Variants in CALU observed in about 807,000 individuals in gnomAD.
The protein encoded by CALU is calumenin, also known as IEF SSP 9302.
CALU carries 13 observed loss-of-function variants against 37.5 expected under a neutral mutation model. The observed-to-expected ratio is 0.35, with a 90% confidence interval of 0.23 to 0.55. The LOEUF (loss-of-function observed/expected upper bound fraction) is 0.55. Among genes scored for constraint, CALU ranks in the 20% least tolerant of loss-of-function variants. CALU has a pLI of 0.89. For synonymous variants in CALU, 114 were observed against 133.8 expected (o/e 0.85, Z 1.02); for missense variants, 282 against 391.7 (o/e 0.72, Z 2.36).
intron 1 of CALU, among the ~76,000 whole-genome samples, chr7:128,741,084 G>A (rs574234458): frequency 8.2e-4 from 125 of 152,326 alleles, no homozygotes; most frequent in African/African-American, 2.9e-3. Context: ...CAGGGATATT[G>A]AAAGGACAGA....
chr7:128,749,823 G>A (rs1800590149), intron 2 of CALU, among the ~76,000 whole-genome samples: 2 of 152,128 alleles, frequency 1.3e-5, no homozygotes, highest in South Asian at 4.1e-4. Flanking sequence ...GCATTTGAAA[G>A]TAGATAGATA....
In CALU at chr7:128,772,669, A is replaced by T. The variant is rs768216743; in HGVS notation, c.*3502A>T. 2 of 1,613,966 alleles carry T rather than the reference A, an allele frequency of 1.2e-6. No homozygotes were observed. Among genetic ancestry groups the T allele is most frequent in the African/African-American group, 1.3e-5 (1 of 74,916 alleles). On this transcript the variant is annotated 3_prime_UTR_variant, in exon 7 of 7. Transcript: ENST00000249364. The stretch of plus-strand genomic sequence containing the variant: ...TGATGCAAGCTTGGAACTGGAGAGA[A>T]AGGTACAATTGGAGATAACCTTGGC...
In CALU at chr7:128,769,477, A is replaced by G. The variant is rs924771989; in HGVS notation, c.*310A>G. 1.1e-4 allele frequency: 21 copies of G among 183,168 alleles called. No homozygotes were observed. Among genetic ancestry groups the G allele is most frequent in the Middle Eastern group, 2.4e-3 (1 of 420 alleles). 11.3% of individuals were successfully genotyped at this position (183,168 alleles called of 1,614,324 possible). On this transcript the variant is annotated 3_prime_UTR_variant, in exon 7 of 7. Transcript: ENST00000249364. Reference sequence around the variant, plus strand: ...ATGATATGAAGGATCAAGATCCTCAACTCACACATGTAGACAAACATTAGC... The same window carrying G: ...ATGATATGAAGGATCAAGATCCTCAGCTCACACATGTAGACAAACATTAGC...
At chr7:128,756,165 AT>A (rs1252141171) in intron 3 of CALU, among the ~76,000 whole-genome samples, 1 of 152,198 alleles carries the variant, frequency 6.6e-6, no homozygotes, top group East Asian at 1.9e-4. Flanking sequence ...CACCTTCCTG[AT>A]TTATTTGGAA....
At chr7:128,766,317 G>GT (rs35257415) in intron 5 of CALU, among the ~76,000 whole-genome samples, 173 of 142,222 alleles carry the variant, frequency 1.2e-3, no homozygotes, top group South Asian at 3.1e-3. Flanking sequence ...ATTTTTCAAG[G>GT]TTTTTTTTTT....
rs749080767 is a variant in CALU, at chr7:128,759,808, T to C, written c.599T>C (p.Ile200Thr). 7 of 1,371,956 alleles carry C rather than the reference T, an allele frequency of 5.1e-6. No homozygotes were observed. The highest frequency in any genetic ancestry group is 3.4e-5 in the Admixed American group (2 of 59,608). The allele number at this position is 1,371,956 out of a possible 1,614,324, so 85.0% of individuals were successfully genotyped here. Reference sequence around the variant, plus strand: ...CCTGTTTAGGAAACAATGGAAGATATAGATAAGAATGCTGATGGTTTCATT... The same window carrying C: ...CCTGTTTAGGAAACAATGGAAGATACAGATAAGAATGCTGATGGTTTCATT... ...DIVVQETMED[I>T]DKNADGFIDL... Residue 200 changes from isoleucine to threonine, a missense_variant, in exon 5 of 7, where the codon ATA becomes ACA. Coordinates refer to ENST00000249364, the MANE Select transcript of CALU (RefSeq NM_001219.5).
At chr7:128,766,457 CTT>C (rs1276611234) in intron 5 of CALU, among the ~76,000 whole-genome samples, 6 of 108,014 alleles carry the variant, frequency 5.6e-5, no homozygotes, top group African/African-American at 2.3e-4. Flanking sequence ...GAGACGGAGT[CTT>C]GCTCTGTCGC....
intron 2 of CALU, 133 bp from the exon 3 acceptor site, chr7:128,754,129 A>T: frequency 1.8e-5 from 12 of 653,422 alleles, no homozygotes; most frequent in Admixed American, 3.0e-5. Flanking sequence ...CATTTTTTTC[A>T]GTTGCTGGCC....
At chr7:128,748,863 T>A in intron 2 of CALU, 59 bp downstream of exon 2, 2 of 1,127,872 alleles carry the variant, frequency 1.8e-6, no homozygotes, top group East Asian at 4.7e-5. Flanking sequence ...TAAAGGCTAA[T>A]TCTTTTCTTT....
intron 6 of CALU, among the ~76,000 whole-genome samples, chr7:128,768,222 C>G (rs1801406609): frequency 6.6e-6 from 1 of 152,096 alleles, no homozygotes; most frequent in South Asian, 2.1e-4. Context: ...AGCTGAAAAT[C>G]GGTCTAAAGA....
At chr7:128,757,083 TA>T (rs200603035) in intron 3 of CALU, among the ~76,000 whole-genome samples, 1,860 of 142,378 alleles carry the variant, frequency 0.013, 38 homozygotes, top group African/African-American at 0.042. Flanking sequence ...GACTATAAAT[TA>T]AAAAAAAAAA....
chr7:128,745,105 G>A (rs1800380422), intron 1 of CALU, among the ~76,000 whole-genome samples: 1 of 152,104 alleles, frequency 6.6e-6, no homozygotes, highest in African/African-American at 2.4e-5. Context: ...AGAATTGTTA[G>A]GGTATTATGC....
At chr7:128,766,431 T>C (rs200966296) in intron 5 of CALU, among the ~76,000 whole-genome samples, 43 of 76,806 alleles carry the variant, frequency 5.6e-4, no homozygotes, top group Middle Eastern at 9.1e-3. Context: ...TTTTCTTTTT[T>C]TTTTTTTTTT....
rs778931722 is a variant in CALU, at chr7:128,767,613, G to A, written c.801G>A (p.Glu267=). The change falls in exon 6 of 7, where the codon GAG becomes GAA. Residue 267 remains glutamate (E), a synonymous_variant. Transcript: ENST00000249364. Reference sequence around the variant, plus strand: ...TTCCCTCAGACTATGATCATGCAGAGGCAGAAGCCAGGCACCTGGTCTATG... The same window carrying A: ...TTCCCTCAGACTATGATCATGCAGAAGCAGAAGCCAGGCACCTGGTCTATG... ...WILPSDYDHA[E]AEARHLVYES... 15 of 1,614,218 alleles carry A rather than the reference G, an allele frequency of 9.3e-6. No homozygotes were observed. The highest frequency in any genetic ancestry group is 1.7e-5 in the Admixed American group (1 of 60,012).
chr7:128,740,707 T>C (rs1218682948), intron 1 of CALU, among the ~76,000 whole-genome samples: 1 of 152,116 alleles, frequency 6.6e-6, no homozygotes, highest in Non-Finnish European at 1.5e-5. Context: ...AGGAAAGCCA[T>C]GAGCTCACAA....
chr7:128,754,494 C>T, intron 3 of CALU, 39 bp downstream of exon 3: 1 of 1,602,746 alleles, frequency 6.2e-7, no homozygotes, highest in Non-Finnish European at 8.5e-7. Context: ...CCTTGTGGAG[C>T]TGGCACCTTG....
At chr7:128,754,031 A>G (rs1459159227) in intron 2 of CALU, among the ~76,000 whole-genome samples, 3 of 152,224 alleles carry the variant, frequency 2.0e-5, no homozygotes, top group African/African-American at 7.2e-5. Context: ...CTCCAAAGAG[A>G]TAGGCTGAGT....
intron 1 of CALU, among the ~76,000 whole-genome samples, chr7:128,742,652 C>CT (rs1800283374): frequency 6.6e-6 from 1 of 152,142 alleles, no homozygotes; most frequent in Non-Finnish European, 1.5e-5. Flanking sequence ...CTTGAAAGCT[C>CT]TAAGTTCTTA....
chr7:128,764,002 G>A (rs539840452), intron 5 of CALU, among the ~76,000 whole-genome samples: 147 of 152,262 alleles, frequency 9.7e-4, no homozygotes, highest in South Asian at 4.8e-3. Flanking sequence ...CTTAGATGTC[G>A]TATAACTCAA....
Sources: allele counts gnomAD v4.1 joint callset (sites outside exome capture counted in the v4.1 genomes callset), GRCh38; gene constraint gnomAD v4.1.1; transcripts MANE v1.5; gene names NCBI Gene and HGNC (gene_info 2026-07-23, HGNC 2026-07-21).